The following DRG1 variants were observed in gnomAD, a reference collection of about 807,000 sequenced individuals.
DRG1 encodes developmentally-regulated GTP-binding protein 1.
Under a neutral mutation model 38.8 loss-of-function variants are expected in DRG1, and 19 were observed. That is an observed-to-expected ratio of 0.49 (90% CI 0.34 to 0.72). DRG1 has a LOEUF of 0.72. DRG1 is among the 30% of genes least tolerant of loss of function. The probability of loss-of-function intolerance (pLI) is 0.01; values close to 1 mark genes in which losing one functional copy is unlikely to be tolerated. For synonymous variants in DRG1, 167 were observed against 157.5 expected (o/e 1.06, Z -0.45); for missense variants, 299 against 444.8 (o/e 0.67, Z 2.95).
chr22:31,416,603 A>G (rs1421263214), intron 4 of DRG1, among the ~76,000 whole-genome samples: 1 of 152,058 alleles, frequency 6.6e-6, no homozygotes, highest in East Asian at 1.9e-4. Flanking sequence ...AAAAATACAA[A>G]AATTAGCCAG....
At chr22:31,405,829 C>G (rs1412206150) in intron 3 of DRG1, among the ~76,000 whole-genome samples, 2 of 151,508 alleles carry the variant, frequency 1.3e-5, no homozygotes, top group South Asian at 4.2e-4. Context: ...GCTGGGATTA[C>G]AGGTGCCCAC....
chr22:31,417,053 C>T (rs1036649213), intron 4 of DRG1, among the ~76,000 whole-genome samples: 6 of 143,454 alleles, frequency 4.2e-5, no homozygotes, highest in African/African-American at 1.5e-4. Flanking sequence ...AGCACACAGA[C>T]ACCCTGTCTC....
intron 3 of DRG1, among the ~76,000 whole-genome samples, chr22:31,406,006 CTT>C (rs993821605): frequency 7.0e-5 from 9 of 129,400 alleles, no homozygotes; most frequent in Admixed American, 7.8e-5. Context: ...TTTCTTTTTT[CTT>C]TTTTTTTTTT....
At chr22:31,405,172 C>CTTTTTTTTTTT (rs1278780788) in intron 3 of DRG1, among the ~76,000 whole-genome samples, 1 of 139,100 alleles carries the variant, frequency 7.2e-6, no homozygotes, top group Non-Finnish European at 1.6e-5. Flanking sequence ...AATAAATTTT[C>CTTTTTTTTTTT]TTTTTTTTTT....
intron 4 of DRG1, among the ~76,000 whole-genome samples, chr22:31,412,568 C>A (rs1051563526): frequency 1.3e-5 from 2 of 151,836 alleles, no homozygotes; most frequent in African/African-American, 2.4e-5. Flanking sequence ...CCAGGATGGT[C>A]TCGATCTCCT....
intron 8 of DRG1, among the ~76,000 whole-genome samples, chr22:31,431,409 G>A (rs916167387): frequency 8.5e-5 from 13 of 152,298 alleles, no homozygotes; most frequent in African/African-American, 2.9e-4. Context: ...GCTCACGCCT[G>A]TAATCTCAGC....
chr22:31,430,872 C>T (rs1468292217), intron 8 of DRG1, among the ~76,000 whole-genome samples: 2 of 151,944 alleles, frequency 1.3e-5, no homozygotes, highest in Non-Finnish European at 2.9e-5. Flanking sequence ...TGTATGCCAC[C>T]ATGCCCAGCA....
intron 2 of DRG1, among the ~76,000 whole-genome samples, chr22:31,401,638 C>T (rs912425817): frequency 1.4e-5 from 2 of 146,928 alleles, no homozygotes; most frequent in African/African-American, 5.1e-5. Flanking sequence ...TGTTTGTGGT[C>T]TCAGCTACTT....
At chr22:31,402,009 C>T (rs1396324350) in intron 2 of DRG1, among the ~76,000 whole-genome samples, 1 of 151,932 alleles carries the variant, frequency 6.6e-6, no homozygotes, top group Non-Finnish European at 1.5e-5. Flanking sequence ...CGAGATCATG[C>T]CACTGTACCC....
rs1047443605 is a variant in DRG1 at position 31,404,519 on chromosome 22, C to T, written c.342+1315C>T. ...CCTCCCAAAGTGCTGGGATTACAGG[C>T]GTGAGCCACCGCGCCTGGTCTCGCC... On this transcript the variant is annotated intron_variant, in intron 3 of 8. Coordinates refer to ENST00000331457, the MANE Select transcript of DRG1 (RefSeq NM_004147.4). Among the ~76,000 whole-genome samples, 4 of 152,050 alleles carry T rather than the reference C, an allele frequency of 2.6e-5. No homozygotes were observed. The East Asian group carries it at 5.8e-4, about 22-fold the overall frequency.
chr22:31,416,599 AC>A (rs1170903660), intron 4 of DRG1, among the ~76,000 whole-genome samples: 3 of 152,144 alleles, frequency 2.0e-5, no homozygotes, highest in African/African-American at 7.2e-5. Context: ...TACTAAAAAT[AC>A]AAAAATTAGC....
chr22:31,407,721 A>G (rs2049996786), intron 3 of DRG1, among the ~76,000 whole-genome samples: 1 of 148,898 alleles, frequency 6.7e-6, no homozygotes, highest in South Asian at 2.1e-4. Flanking sequence ...TGAATGGAGA[A>G]GTTGAACTGT....
At chr22:31,400,013 G>C (rs939977824) in intron 1 of DRG1, among the ~76,000 whole-genome samples, 1 of 152,026 alleles carries the variant, frequency 6.6e-6, no homozygotes, top group African/African-American at 2.4e-5. Context: ...CCCCCTCCCA[G>C]TGTTTGGCTC....
chr22:31,405,340 G>C (rs1214338531), intron 3 of DRG1, among the ~76,000 whole-genome samples: 3 of 151,798 alleles, frequency 2.0e-5, no homozygotes, highest in South Asian at 2.1e-4. Context: ...GCTAATTTTT[G>C]TATTTTCAGT....
intron 8 of DRG1, 22 bp downstream of exon 8, chr22:31,427,204 T>C: frequency 6.2e-7 from 1 of 1,611,536 alleles, no homozygotes; most frequent in South Asian, 1.1e-5. Context: ...GGGCCTGTGG[T>C]CCCTCCTTTT....
intron 3 of DRG1, among the ~76,000 whole-genome samples, chr22:31,404,306 C>T (rs902077812): frequency 2.0e-5 from 3 of 149,736 alleles, no homozygotes; most frequent in Non-Finnish European, 4.4e-5. Flanking sequence ...GTGGTGCAAT[C>T]TCAGCTCACT....
At chr22:31,408,941 G>T (rs934876530) in intron 3 of DRG1, among the ~76,000 whole-genome samples, 2 of 151,870 alleles carry the variant, frequency 1.3e-5, no homozygotes, top group African/African-American at 4.8e-5. Context: ...TTATAATTTT[G>T]CTGAGATGTA....
chr22:31,404,381 C>T (rs1224482266), intron 3 of DRG1, among the ~76,000 whole-genome samples: 1 of 151,214 alleles, frequency 6.6e-6, no homozygotes, highest in East Asian at 2.0e-4. Context: ...GCTGGGACTA[C>T]AGGCACGCAC....
chr22:31,406,677 A>G (rs1055118850), intron 3 of DRG1, among the ~76,000 whole-genome samples: 2 of 140,616 alleles, frequency 1.4e-5, no homozygotes, highest in African/African-American at 5.4e-5. Flanking sequence ...CCTGTCCCGG[A>G]AAAAAAAAAA....
Sources: gnomAD v4.1 joint callset for allele counts (sites outside exome capture counted in the v4.1 genomes callset) on GRCh38, gnomAD v4.1.1 for gene constraint, MANE v1.5 for transcripts, NCBI Gene and HGNC (gene_info 2026-07-23, HGNC 2026-07-21) for gene names.